Variants in PKD1L1 observed in about 807,000 individuals in gnomAD.
The protein encoded by PKD1L1 is polycystin-1-like protein 1.
Under a neutral mutation model 323.4 loss-of-function variants are expected in PKD1L1, and 236 were observed. That is an observed-to-expected ratio of 0.73 (90% CI 0.66 to 0.81). The LOEUF is 0.81. PKD1L1 is among the 40% of genes least tolerant of loss of function. PKD1L1 has a pLI of 0.00. For missense variants in PKD1L1, 3,320 were observed against 3,508.0 expected (o/e 0.95, Z 1.35); for synonymous variants, 1,344 against 1,335.0 (o/e 1.01, Z -0.15).
intron 52 of PKD1L1, among the ~76,000 whole-genome samples, chr7:47,807,916 G>A (rs1047152211): frequency 6.6e-6 from 1 of 152,148 alleles, no homozygotes; most frequent in African/African-American, 2.4e-5. Context: ...AAAATGGTGT[G>A]TCTAAGCAAG....
intron 21 of PKD1L1, 147 bp from the exon 22 acceptor site, chr7:47,877,778 A>G: frequency 1.0e-6 from 1 of 972,886 alleles, no homozygotes; most frequent in Non-Finnish European, 1.5e-6. Context: ...GGAATTTGTC[A>G]GAAATGAAGA....
chr7:47,919,418 G>A (rs567661476), intron 7 of PKD1L1, among the ~76,000 whole-genome samples: 24 of 152,188 alleles, frequency 1.6e-4, no homozygotes, highest in Admixed American at 7.8e-4. Flanking sequence ...AGGTCCAGAC[G>A]AATTCACAGG....
At chr7:47,922,701 G>T (rs1787573886) in intron 7 of PKD1L1, among the ~76,000 whole-genome samples, 1 of 151,486 alleles carries the variant, frequency 6.6e-6, no homozygotes, top group South Asian at 2.1e-4. Flanking sequence ...GAAGTGAGGA[G>T]CGTCTCCGCC....
intron 20 of PKD1L1, among the ~76,000 whole-genome samples, chr7:47,881,380 C>G (rs1288069039): frequency 6.6e-6 from 1 of 152,056 alleles, no homozygotes; most frequent in Non-Finnish European, 1.5e-5. Flanking sequence ...CAAAATGCTT[C>G]AAGGAAAGGG....
chr7:47,953,134 T>C (rs1788228197), upstream of PKD1L1, among the ~76,000 whole-genome samples: 1 of 152,146 alleles, frequency 6.6e-6, no homozygotes, highest in Non-Finnish European at 1.5e-5. Flanking sequence ...ATCACTTTGA[T>C]TTTTCTGTCT....
chr7:47,822,769 A>T (rs1303756586), intron 45 of PKD1L1, among the ~76,000 whole-genome samples: 1 of 152,238 alleles, frequency 6.6e-6, no homozygotes, highest in Non-Finnish European at 1.5e-5. Flanking sequence ...GGTTTTCAAC[A>T]TACAGATCCT....
At chr7:47,951,212 T>A (rs1206494543), upstream of PKD1L1, among the ~76,000 whole-genome samples, 1 of 152,176 alleles carries the variant, frequency 6.6e-6, no homozygotes, top group East Asian at 1.9e-4. Context: ...TCGATCAGGA[T>A]TTTGACTCTC....
chr7:47,877,686 T>C (rs765170191), intron 21 of PKD1L1, 55 bp from the exon 22 acceptor site: 18 of 1,585,406 alleles, frequency 1.1e-5, no homozygotes, highest in Admixed American at 1.8e-5. Flanking sequence ...TACAGCAGCA[T>C]AGGAATAAGT....
chr7:47,831,621 G>A (rs1413390939), intron 41 of PKD1L1, among the ~76,000 whole-genome samples: 3 of 152,204 alleles, frequency 2.0e-5, no homozygotes, highest in African/African-American at 7.2e-5. Context: ...CGCACAGGCT[G>A]AGAACAGGGG....
At chr7:47,861,227 G>A (rs1238911617) in intron 26 of PKD1L1, among the ~76,000 whole-genome samples, 1 of 152,220 alleles carries the variant, frequency 6.6e-6, no homozygotes, top group Non-Finnish European at 1.5e-5. Flanking sequence ...AATACAGTTT[G>A]TATCTTAAGA....
intron 46 of PKD1L1, chr7:47,819,638 C>G: frequency 9.0e-7 from 1 of 1,116,490 alleles, no homozygotes; most frequent in East Asian, 4.9e-5. Context: ...TTACAATGCT[C>G]AGCAGAAAAA....
the PKD1L1 span, among the ~76,000 whole-genome samples, chr7:47,959,942 G>C: frequency 2.0e-5 from 3 of 152,092 alleles, no homozygotes; most frequent in Non-Finnish European, 4.4e-5. Context: ...GGAAAGGCGG[G>C]GAAAGGATTG....
intron 52 of PKD1L1, among the ~76,000 whole-genome samples, chr7:47,807,681 G>A (rs367649521): frequency 3.3e-5 from 5 of 152,110 alleles, no homozygotes; most frequent in Non-Finnish European, 7.4e-5. Context: ...CCCAGGGCTC[G>A]TCCAGGCCCA....
In PKD1L1 at chr7:47,792,727, C is replaced by T. The variant is rs1399473043; in HGVS notation, c.8426G>A (p.Ser2809Asn). ...LLMKINGLSD[S>N]LQLPLLEKTS... ...TTTTTCCAGAAGGGGGAGTTGTAGG[C>T]TGTCGGACAAACCATTAATCTTCAT... The change falls in exon 56 of 57, where the codon AGC (serine) becomes AAC (asparagine). Residue 2809 changes from serine to asparagine, a missense_variant. Transcript: ENST00000289672. The T allele has an allele frequency of 1.2e-6, 2 of 1,614,096 alleles. No homozygotes were observed. The highest frequency in any genetic ancestry group is 2.2e-5 in the South Asian group (2 of 91,074).
intron 31 of PKD1L1, among the ~76,000 whole-genome samples, 161 bp downstream of exon 31, chr7:47,852,966 T>A (rs1302370746): frequency 6.6e-6 from 1 of 152,040 alleles, no homozygotes; most frequent in Non-Finnish European, 1.5e-5. Flanking sequence ...AGTTTCCATG[T>A]GTGGGATCTA....
intron 55 of PKD1L1, among the ~76,000 whole-genome samples, chr7:47,793,917 G>A (rs926318800): frequency 3.3e-5 from 5 of 152,182 alleles, no homozygotes; most frequent in African/African-American, 1.2e-4. Context: ...GTTTTAGCAA[G>A]AGACTGGCAG....
upstream of PKD1L1, among the ~76,000 whole-genome samples, chr7:47,948,870 T>C (rs1408481277): frequency 6.6e-6 from 1 of 151,958 alleles, no homozygotes. Flanking sequence ...GGCGAGAGAA[T>C]TGCTTGAACC....
At chr7:47,882,597 G>C (rs151197874) in intron 19 of PKD1L1, among the ~76,000 whole-genome samples, 1 of 151,330 alleles carries the variant, frequency 6.6e-6, no homozygotes, top group East Asian at 1.9e-4. Context: ...AGACTAGAAG[G>C]AGCCCTTCAA....
chr7:47,960,734 T>C, the PKD1L1 span, among the ~76,000 whole-genome samples: 1 of 151,370 alleles, frequency 6.6e-6, no homozygotes, highest in Non-Finnish European at 1.5e-5. Context: ...AATAGACTTC[T>C]CAAAAGAAGA....
Sources: gnomAD v4.1 joint callset for allele counts (sites outside exome capture counted in the v4.1 genomes callset) on GRCh38, gnomAD v4.1.1 for gene constraint, MANE v1.5 for transcripts, NCBI Gene and HGNC (gene_info 2026-07-23, HGNC 2026-07-21) for gene names.